The following STAG2 variants were observed in gnomAD, a reference collection of about 807,000 sequenced individuals.
The protein encoded by STAG2 is cohesin subunit SA-2.
In STAG2, 14 loss-of-function variants were observed where a neutral mutation model predicts 108.1. That is an observed-to-expected ratio of 0.13 (90% CI 0.09 to 0.20). STAG2 has a LOEUF of 0.20. Among genes scored for constraint, STAG2 ranks in the 10% least tolerant of loss-of-function variants. The probability of loss-of-function intolerance (pLI) is 1.00; values close to 1 mark genes in which losing one functional copy is unlikely to be tolerated. For missense variants in STAG2, 440 were observed against 940.9 expected, an observed-to-expected ratio of 0.47 and a Z score of 6.96; for synonymous variants, 307 against 302.7, an observed-to-expected ratio of 1.01 and a Z score of -0.15.
intron 1 of STAG2, among the ~76,000 whole-genome samples, chrX:124,002,717 C>G (rs1389387530): frequency 9.1e-6 from 1 of 110,435 alleles, no homozygotes; most frequent in East Asian, 2.8e-4. Flanking sequence ...CTCTGCCTCC[C>G]AGGTTCAAGC....
At chrX:123,983,974 C>CTTTTCTTTTTT (rs1168788249) in intron 1 of STAG2, among the ~76,000 whole-genome samples, 7 of 61,462 alleles carry the variant, frequency 1.1e-4, no homozygotes, top group African/African-American at 5.5e-4. Flanking sequence ...CTTTTCTTTT[C>CTTTTCTTTTTT]TTTTTTTTTT....
intron 13 of STAG2, among the ~76,000 whole-genome samples, chrX:124,054,277 A>G (rs1271156465): frequency 8.9e-6 from 1 of 112,188 alleles, no homozygotes; most frequent in Non-Finnish European, 1.9e-5. Flanking sequence ...AGCACTTTAT[A>G]TGGATAATTT....
At chrX:124,013,105 A>G (rs1179322617) in intron 1 of STAG2, among the ~76,000 whole-genome samples, 2 of 111,581 alleles carry the variant, frequency 1.8e-5, no homozygotes, top group African/African-American at 6.5e-5. Flanking sequence ...ATCATGCTGT[A>G]TACCATTTAA....
chrX:124,072,904 CTTTTTTT>C (rs779996801), intron 25 of STAG2, among the ~76,000 whole-genome samples: 1 of 72,660 alleles, frequency 1.4e-5, no homozygotes, highest in Admixed American at 1.7e-4. Flanking sequence ...TTCTTTCTTT[CTTTTTTT>C]TTTTTTTTTT....
chrX:124,000,227 G>A (rs1332040843), intron 1 of STAG2, among the ~76,000 whole-genome samples: 1 of 111,608 alleles, frequency 9.0e-6, no homozygotes, highest in Non-Finnish European at 1.9e-5. Flanking sequence ...TCATGTGTTT[G>A]TGGGGATGCT....
At chrX:123,987,619 A>C (rs1260192532) in intron 1 of STAG2, among the ~76,000 whole-genome samples, 1 of 112,143 alleles carries the variant, frequency 8.9e-6, no homozygotes, top group Admixed American at 9.5e-5. Context: ...TAAGTTCTTC[A>C]TAACTTTTCA....
intron 1 of STAG2, among the ~76,000 whole-genome samples, chrX:124,002,240 C>CCATCT (rs975027788): frequency 9.0e-6 from 1 of 111,456 alleles, no homozygotes; most frequent in Non-Finnish European, 1.9e-5. Flanking sequence ...CATAAAAACC[C>CCATCT]CATCTCCATT....
chrX:123,961,415 C>T (rs2053846669), upstream of STAG2: 1 of 106,061 alleles, frequency 9.4e-6, no homozygotes, highest in Non-Finnish European at 1.9e-5. Context: ...GCTCCTAAGC[C>T]TAGGAGAGCC....
At chrX:124,087,162 G>T (rs892801458) in intron 30 of STAG2, among the ~76,000 whole-genome samples, 2 of 111,764 alleles carry the variant, frequency 1.8e-5, no homozygotes, top group African/African-American at 6.5e-5. Flanking sequence ...AGTTAAAGTG[G>T]AACAACAGAT....
At chrX:124,073,614 G>A (rs945992873) in intron 25 of STAG2, among the ~76,000 whole-genome samples, 14 of 111,603 alleles carry the variant, frequency 1.3e-4, no homozygotes, top group African/African-American at 4.2e-4. Context: ...GTAGAGACGA[G>A]GTCTCGCTGT....
rs1167239848 is a variant in STAG2, at chrX:124,071,253, G to A, written c.2463G>A (p.Leu821=). 1 of 1,203,590 alleles carries A rather than the reference G, an allele frequency of 8.3e-7. No homozygotes were observed. The highest frequency in any genetic ancestry group is 3.0e-5 in the East Asian group (1 of 33,533). ...TAGTGTATACCCCTGATTCTTCATTGCAGTCTGAGTTGCTCAGCTTTATTT... is the reference window on the plus strand; with the variant it reads ...TAGTGTATACCCCTGATTCTTCATTACAGTCTGAGTTGCTCAGCTTTATTT... ...EPLVYTPDSS[L]QSELLSFILD... is the part of the protein sequence containing the mutation. The change falls in exon 25 of 35, where the codon TTG becomes TTA. Residue 821 remains leucine (L), a synonymous_variant. Coordinates refer to ENST00000371145, the MANE Select transcript of STAG2 (RefSeq NM_001042750.2).
At chrX:124,036,255 T>C (rs1037628124) in intron 5 of STAG2, among the ~76,000 whole-genome samples, 6 of 112,420 alleles carry the variant, frequency 5.3e-5, no homozygotes, top group Non-Finnish European at 1.1e-4. Flanking sequence ...GTACCTGGAT[T>C]TCCTATTTAT....
intron 1 of STAG2, among the ~76,000 whole-genome samples, chrX:123,981,669 T>C (rs1424720635): frequency 9.0e-6 from 1 of 111,492 alleles, no homozygotes; most frequent in African/African-American, 3.3e-5. Context: ...TTCGATTCTT[T>C]TGTGTATATA....
chrX:123,992,167 TG>T (rs1422987969), intron 1 of STAG2, among the ~76,000 whole-genome samples: 1 of 111,441 alleles, frequency 9.0e-6, no homozygotes, highest in Non-Finnish European at 1.9e-5. Flanking sequence ...TGACTGTATT[TG>T]TTTTGTCAGG....
intron 1 of STAG2, among the ~76,000 whole-genome samples, chrX:123,982,059 C>T (rs942369464): frequency 2.7e-5 from 3 of 110,199 alleles, no homozygotes; most frequent in Non-Finnish European, 3.8e-5. Context: ...AATGCAATGC[C>T]GCTGGGTGAG....
At chrX:124,082,870 G>GA (rs2058998332) in intron 28 of STAG2, among the ~76,000 whole-genome samples, 1 of 110,240 alleles carries the variant, frequency 9.1e-6, no homozygotes, top group Admixed American at 9.7e-5. Flanking sequence ...ATTCCATCTG[G>GA]ATTGTTTTTT....
Position 124,045,381 on chromosome X carries a change from A to G in STAG2, c.667+13A>G. The stretch of plus-strand genomic sequence containing the variant: ...AGCACCCTGGCAGGTCGGTATTTAG[A>G]AATATTTTCTGCATATTGTCTTAGA... On this transcript the variant is annotated intron_variant, in intron 8 of 34. Transcript: ENST00000371145. 1 of 1,173,136 alleles carries G rather than the reference A, an allele frequency of 8.5e-7. No individual in the cohort carries two copies.
Position 124,064,106 on chromosome X carries a change from A to C in STAG2, c.2025+55A>C, listed in dbSNP as rs146369376. The stretch of plus-strand genomic sequence containing the variant: ...GTCAGTTGAGCCCCTCTACTGCAGT[A>C]AGCTAATTAGTCACCCAAGTGTTAA... On this transcript the variant is annotated intron_variant, in intron 20 of 34. Coordinates refer to ENST00000371145, the MANE Select transcript of STAG2 (RefSeq NM_001042750.2). The C allele has an allele frequency of 1.5e-3, 1,364 of 904,012 alleles. 2 individuals carry two copies. The highest frequency in any genetic ancestry group is 7.8e-3 in the Middle Eastern group (19 of 2,431). The allele number at this position is 904,012 out of a possible 1,213,427, so 74.5% of individuals were successfully genotyped here. A position where few individuals can be genotyped will look rare whatever the true frequency, so the allele number is the denominator to read the frequency against.
rs553997402 is a variant in STAG2, at chrX:124,092,175, T to A, written c.3578+1211T>A. Among the ~76,000 whole-genome samples the A allele has an allele frequency of 1.8e-4, 20 of 111,591 alleles. No homozygotes were observed. In the South Asian group the frequency reaches 7.6e-3, roughly 42 times the overall value. On this transcript the variant is annotated intron_variant, in intron 32 of 34. Coordinates refer to ENST00000371145, the MANE Select transcript of STAG2 (RefSeq NM_001042750.2). ...CCTGTTTTTCTTACAAAATGATCAT[T>A]TACTATGAGTGGTGGCCTGCATAAA...
Sources: gnomAD v4.1 joint callset for allele counts (sites outside exome capture counted in the v4.1 genomes callset) on GRCh38, gnomAD v4.1.1 for gene constraint, MANE v1.5 for transcripts, NCBI Gene and HGNC (gene_info 2026-07-23, HGNC 2026-07-21) for gene names.